Variants in RALYL observed in about 807,000 individuals in gnomAD.
The protein encoded by RALYL is RALY RNA binding protein like.
Under a neutral mutation model 35.1 loss-of-function variants are expected in RALYL, and 29 were observed. The ratio of observed to expected loss-of-function variants is 0.83; its 90% CI spans 0.61 to 1.13. The LOEUF (loss-of-function observed/expected upper bound fraction) is 1.13, where lower values mean the gene tolerates loss of function less well. Among genes scored for constraint, RALYL ranks in the 50% most tolerant of loss-of-function variants. The pLI is 0.00. For missense variants in RALYL, 359 were observed against 360.4 expected, an observed-to-expected ratio of 1.00 and a Z score of 0.03; for synonymous variants, 120 against 127.6, an observed-to-expected ratio of 0.94 and a Z score of 0.40.
chr8:84,464,335 C>T (rs933373493), intron 1 of RALYL, among the ~76,000 whole-genome samples: 1 of 151,652 alleles, frequency 6.6e-6, no homozygotes. Flanking sequence ...TATTCCCCTT[C>T]CTGTGTCCAT....
chr8:84,913,732 A>C (rs1484337416), intron 8 of RALYL, among the ~76,000 whole-genome samples: 2 of 152,012 alleles, frequency 1.3e-5, no homozygotes, highest in African/African-American at 4.8e-5. Flanking sequence ...GTATTCTATT[A>C]TATCCAGCAT....
At chr8:84,855,924 CTT>C in intron 5 of RALYL, among the ~76,000 whole-genome samples, 1 of 152,240 alleles carries the variant, frequency 6.6e-6, no homozygotes, top group East Asian at 1.9e-4. Context: ...ACCATTTTGA[CTT>C]TGTGTTAATT....
chr8:84,325,428 TCA>T, intron 1 of RALYL, among the ~76,000 whole-genome samples: 1 of 152,230 alleles, frequency 6.6e-6, no homozygotes, highest in East Asian at 1.9e-4. Context: ...CCTGATGTAC[TCA>T]ACGCCTCTGG....
At chr8:84,423,244 G>A (rs1351301130) in intron 1 of RALYL, among the ~76,000 whole-genome samples, 1 of 151,692 alleles carries the variant, frequency 6.6e-6, no homozygotes, top group African/African-American at 2.4e-5. Context: ...TGCATTGGGT[G>A]CATATATATT....
At chr8:84,379,863 A>T (rs963039563) in intron 1 of RALYL, among the ~76,000 whole-genome samples, 3 of 146,742 alleles carry the variant, frequency 2.0e-5, no homozygotes, top group Non-Finnish European at 3.0e-5. Context: ...CTCAAGCTCA[A>T]AAAAAAAAAA....
At chr8:84,539,945 T>G (rs924644648) in intron 2 of RALYL, among the ~76,000 whole-genome samples, 1 of 148,034 alleles carries the variant, frequency 6.8e-6, no homozygotes, top group Non-Finnish European at 1.5e-5. Flanking sequence ...CACATGCACA[T>G]TTTAATTTAC....
chr8:84,253,499 C>T (rs1424873828), intron 1 of RALYL, among the ~76,000 whole-genome samples: 2 of 151,454 alleles, frequency 1.3e-5, no homozygotes, highest in Admixed American at 1.3e-4. Flanking sequence ...TGCACCTGGC[C>T]CTGTAGTCTC....
chr8:84,581,174 C>T (rs1174591627), intron 2 of RALYL, among the ~76,000 whole-genome samples: 1 of 152,182 alleles, frequency 6.6e-6, no homozygotes, highest in East Asian at 1.9e-4. Context: ...TGAAGTCACA[C>T]AGCATCATTT....
At chr8:84,617,249 G>A (rs984687852) in intron 2 of RALYL, among the ~76,000 whole-genome samples, 11 of 151,668 alleles carry the variant, frequency 7.3e-5, no homozygotes, top group Non-Finnish European at 1.5e-4. Context: ...CCATTTGTTT[G>A]TATCCTCTTT....
intron 2 of RALYL, among the ~76,000 whole-genome samples, chr8:84,706,308 C>G (rs1279658549): frequency 6.6e-6 from 1 of 152,144 alleles, no homozygotes; most frequent in Admixed American, 6.5e-5. Flanking sequence ...AGAAACAGAT[C>G]AAATGCAATT....
intron 4 of RALYL, among the ~76,000 whole-genome samples, chr8:84,816,825 C>CTGA (rs1276918372): frequency 6.6e-6 from 1 of 151,994 alleles, no homozygotes; most frequent in East Asian, 1.9e-4. Flanking sequence ...CGCATTCTCC[C>CTGA]TGATGTGATT....
intron 2 of RALYL, among the ~76,000 whole-genome samples, chr8:84,552,739 G>C (rs2060834414): frequency 6.6e-6 from 1 of 150,878 alleles, no homozygotes; most frequent in Non-Finnish European, 1.5e-5. Context: ...CATTCCAAAA[G>C]TTGACTTCTT....
At chr8:84,862,143 C>T (rs868628438) in intron 5 of RALYL, among the ~76,000 whole-genome samples, 153 bp from the exon 6 acceptor site, 3 of 152,118 alleles carry the variant, frequency 2.0e-5, no homozygotes, top group African/African-American at 2.4e-5. Context: ...TTAAATCTGC[C>T]AATAAATACC....
At position 84,909,299 on chromosome 8, in the gene RALYL, T is replaced by C. The variant is rs141660121; in HGVS notation, c.859-11595T>C. On this transcript the variant is annotated intron_variant, in intron 8 of 8. Transcript: ENST00000521268. The stretch of plus-strand genomic sequence containing the variant: ...GGCTAGTGCCCAAATGTTCCTGAGA[T>C]AGTTCAATAAATATCTCTTTACAAG... Among the ~76,000 whole-genome samples the C allele has an allele frequency of 3.9e-3, 599 of 152,272 alleles. 6 individuals carry two copies. Among genetic ancestry groups the C allele is most frequent in the African/African-American group, 0.014 (566 of 41,558 alleles).
chr8:84,573,007 C>G (rs748907009), intron 2 of RALYL, among the ~76,000 whole-genome samples: 1 of 151,280 alleles, frequency 6.6e-6, no homozygotes, highest in Non-Finnish European at 1.5e-5. Context: ...ATCTTCAAAT[C>G]CTTTTATTTC....
At chr8:84,528,170 T>C (rs1177044570) in intron 1 of RALYL, among the ~76,000 whole-genome samples, 1 of 152,168 alleles carries the variant, frequency 6.6e-6, no homozygotes, top group East Asian at 1.9e-4. Flanking sequence ...CATATAAAAA[T>C]ATAGTTGTCA....
At position 84,413,134 on chromosome 8, in the gene RALYL, A is replaced by T. The variant is rs146427733; in HGVS notation, c.-23-116165A>T. ...AACTATATAATTATATACATAATTA[A>T]TTTTTTTCTGGTTCTTCAAAATATT... On this transcript the variant is annotated intron_variant, in intron 1 of 8. Coordinates refer to ENST00000521268, the MANE Select transcript of RALYL (RefSeq NM_173848.7). 9.2e-3 allele frequency among the ~76,000 whole-genome samples: 1,383 copies of T among 150,536 alleles called. 26 individuals carry two copies. The highest frequency in any genetic ancestry group is 0.032 in the African/African-American group (1,316 of 41,320).
At chr8:84,782,225 G>T (rs775414709) in intron 3 of RALYL, among the ~76,000 whole-genome samples, 16 of 152,152 alleles carry the variant, frequency 1.1e-4, no homozygotes, top group Admixed American at 3.3e-4. Context: ...CTACAGACTA[G>T]GCCTTCAAAT....
At chr8:84,836,601 A>G (rs549934624) in intron 4 of RALYL, among the ~76,000 whole-genome samples, 2 of 152,336 alleles carry the variant, frequency 1.3e-5, no homozygotes, top group Admixed American at 6.5e-5. Flanking sequence ...GTAAAAATTT[A>G]TATGTATTCC....
Sources: allele counts gnomAD v4.1 joint callset (sites outside exome capture counted in the v4.1 genomes callset), GRCh38; gene constraint gnomAD v4.1.1; transcripts MANE v1.5; gene names NCBI Gene and HGNC (gene_info 2026-07-23, HGNC 2026-07-21).